EVC: variants seen among roughly 807,000 people sequenced by gnomAD.
EVC encodes the protein EvC ciliary complex subunit 1.
Under a neutral mutation model 118.9 loss-of-function variants are expected in EVC, and 116 were observed. The ratio of observed to expected loss-of-function variants is 0.98; its 90% CI spans 0.84 to 1.14. The LOEUF (loss-of-function observed/expected upper bound fraction) is 1.14. EVC is among the 50% of genes most tolerant of loss of function. The pLI, the probability that EVC is intolerant of heterozygous loss-of-function variation, is 0.00. For missense variants in EVC, 1,401 were observed against 1,246.4 expected (o/e 1.12, Z -1.87); for synonymous variants, 619 against 534.7 (o/e 1.16, Z -2.18).
Position 5,719,507 on chromosome 4 carries a change from T to G in EVC, c.300+134T>G. ...ATGGGCTGCTTTTCTGAGGCATAAT[T>G]TACATACAGTCAAATGCGCAGACTT... On this transcript the variant is annotated intron_variant, in intron 2 of 20. Coordinates refer to ENST00000264956, the MANE Select transcript of EVC (RefSeq NM_153717.3). This position sits in a 1 kb window ranked among gnomAD's most constrained non-coding sequence, Gnocchi z 4.7. 1 of 1,294,496 alleles carries G rather than the reference T, an allele frequency of 7.7e-7. No homozygotes were observed. The highest frequency in any genetic ancestry group is 1.1e-6 in the Non-Finnish European group (1 of 900,560). The allele number at this position is 1,294,496 out of a possible 1,614,324, so 80.2% of individuals were successfully genotyped here. A position where few individuals can be genotyped will look rare whatever the true frequency, so the allele number is the denominator to read the frequency against.
chr4:5,741,074 C>T (rs1484924837), intron 5 of EVC, among the ~76,000 whole-genome samples: 1 of 152,216 alleles, frequency 6.6e-6, no homozygotes. Flanking sequence ...CCAGAAGACC[C>T]AGCAATTGCA....
chr4:5,811,134 GGA>G lies in EVC; in HGVS notation c.*98_*99del. 2 of 959,116 alleles carry G rather than the reference GGA, an allele frequency of 2.1e-6. No homozygotes were observed. The highest frequency in any genetic ancestry group is 3.3e-6 in the Non-Finnish European group (2 of 607,488). The allele number at this position is 959,116 out of a possible 1,614,324, so 59.4% of individuals were successfully genotyped here. A position where few individuals can be genotyped will look rare whatever the true frequency, so the allele number is the denominator to read the frequency against. ...TGCTGAGAGGCAGCGAGGACGGAGA[GGA>G]CAGCGGCATCTCTAGGCTCTTCTGA... On this transcript the variant is annotated 3_prime_UTR_variant, in exon 21 of 21. Transcript: ENST00000264956.
In EVC at chr4:5,745,165, C is replaced by G; in HGVS notation, c.802-39C>G. ...GAATTTAAGACACGCTAAACTTTTT[C>G]TTTGTTTATTTGCTTTCTTTTTTCT... On this transcript the variant is annotated intron_variant, in intron 6 of 20. Transcript: ENST00000264956. The G allele has an allele frequency of 2.5e-6, 4 of 1,599,210 alleles. No homozygotes were observed. In the East Asian group the frequency reaches 6.7e-5, roughly 27 times the overall value.
rs1356598101 is a variant in EVC, at chr4:5,749,499, T to C, written c.1098+1193T>C. Among the ~76,000 whole-genome samples the C allele has an allele frequency of 6.6e-6, 1 of 152,126 alleles. No individual in the cohort carries two copies. Among genetic ancestry groups the C allele is most frequent in the Non-Finnish European group, 1.5e-5 (1 of 68,014 alleles). ...GGCTCTGTTGTTTGGAGCTGTGTGATCTTGAACACATTACTTAACCTCTCT... is the reference window on the plus strand; with the variant it reads ...GGCTCTGTTGTTTGGAGCTGTGTGACCTTGAACACATTACTTAACCTCTCT... On this transcript the variant is annotated intron_variant, in intron 8 of 20. Transcript: ENST00000264956. The surrounding 1 kb of genome is among the most constrained non-coding windows in gnomAD (Gnocchi z 4.4).
At chr4:5,779,200 A>G (rs1735212050) in intron 11 of EVC, among the ~76,000 whole-genome samples, 1 of 141,030 alleles carries the variant, frequency 7.1e-6, no homozygotes, top group Non-Finnish European at 1.6e-5. Flanking sequence ...ATTGATCTAT[A>G]TCTCTGTTTT....
intron 6 of EVC, 121 bp from the exon 7 acceptor site, chr4:5,745,083 A>T: frequency 1.0e-6 from 1 of 983,342 alleles, no homozygotes; most frequent in Non-Finnish European, 1.5e-6. Context: ...CAGAGCATTT[A>T]ACTATTGTTT....
intron 11 of EVC, among the ~76,000 whole-genome samples, chr4:5,782,050 C>T (rs572929367): frequency 1.2e-4 from 18 of 152,212 alleles, no homozygotes; most frequent in Admixed American, 6.5e-4. Flanking sequence ...CCAACTTGAC[C>T]TGTAAAGTTC....
At position 5,719,993 on chromosome 4, in the gene EVC, A is replaced by G. The variant is rs1724667014; in HGVS notation, c.300+620A>G. ...TCATTTCATTTTACTTCCTTTAATT[A>G]AATCTCTGGGGGTGGGGGTGCTGGG... On this transcript the variant is annotated intron_variant, in intron 2 of 20. Transcript: ENST00000264956. This position sits in a 1 kb window ranked among gnomAD's most constrained non-coding sequence, Gnocchi z 4.7. 6.6e-6 allele frequency among the ~76,000 whole-genome samples: 1 copy of G among 152,120 alleles called. No individual in the cohort carries two copies. The highest frequency in any genetic ancestry group is 1.5e-5 in the Non-Finnish European group (1 of 68,030).
chr4:5,814,433 T>G (rs1277069043), downstream of EVC: 1 of 152,124 alleles, frequency 6.6e-6, no homozygotes, highest in Non-Finnish European at 1.5e-5. Context: ...CCACATTCCT[T>G]CTGAGGCCCT....
At chr4:5,820,086 C>T in the EVC span, among the ~76,000 whole-genome samples, 4 of 152,080 alleles carry the variant, frequency 2.6e-5, no homozygotes, top group Admixed American at 1.3e-4. Flanking sequence ...TCCATCACTT[C>T]CTAAGTGTGT....
rs774534542 is a variant in EVC, at chr4:5,811,543, C to G, written c.*506C>G. The G allele has an allele frequency of 2.6e-5, 5 of 191,860 alleles. No homozygotes were observed. Among genetic ancestry groups the G allele is most frequent in the Non-Finnish European group, 5.4e-5 (5 of 92,716 alleles). The allele number at this position is 191,860 out of a possible 1,614,324, so 11.9% of individuals were successfully genotyped here. A position where few individuals can be genotyped will look rare whatever the true frequency, so the allele number is the denominator to read the frequency against. On this transcript the variant is annotated 3_prime_UTR_variant, in exon 21 of 21. Transcript: ENST00000264956. Reference sequence around the variant, plus strand: ...GGGCTTCTTCCGGACAGTAGACACCCTGCCCGTGCAGAGAGATGTCATGGG... The same window carrying G: ...GGGCTTCTTCCGGACAGTAGACACCGTGCCCGTGCAGAGAGATGTCATGGG...
At chr4:5,786,871 CAAAAAAA>C (rs375303542) in intron 12 of EVC, among the ~76,000 whole-genome samples, 1 of 95,202 alleles carries the variant, frequency 1.1e-5, no homozygotes, top group Non-Finnish European at 2.1e-5. Flanking sequence ...GACTCCGTCT[CAAAAAAA>C]AAAAAAAAAA....
Position 5,719,096 on chromosome 4 carries a change from A to G in EVC, c.175-152A>G. The G allele has an allele frequency of 9.5e-7, 1 of 1,057,884 alleles. No individual in the cohort carries two copies. 65.5% of individuals were successfully genotyped at this position (1,057,884 alleles called of 1,614,324 possible). A position where few individuals can be genotyped will look rare whatever the true frequency, so the allele number is the denominator to read the frequency against. ...CCCCACGTGGGGTGGGAGGCGTCAC[A>G]CACAGAAGACCAAGCTTGAGAAGCA... On this transcript the variant is annotated intron_variant, in intron 1 of 20. Transcript: ENST00000264956. This position sits in a 1 kb window ranked among gnomAD's most constrained non-coding sequence, Gnocchi z 4.7.
intron 7 of EVC, 141 bp from the exon 8 acceptor site, chr4:5,748,007 A>T: frequency 2.1e-6 from 2 of 955,096 alleles, no homozygotes; most frequent in Non-Finnish European, 3.3e-6. Flanking sequence ...ATTGTTGCCA[A>T]GATAAACTCA....
At chr4:5,777,179 G>T (rs528869624) in intron 11 of EVC, among the ~76,000 whole-genome samples, 6 of 152,188 alleles carry the variant, frequency 3.9e-5, no homozygotes, top group Admixed American at 3.9e-4. Context: ...GAGGATTTTC[G>T]TTTGCTTTTG....
chr4:5,774,329 T>C (rs1462463550), intron 11 of EVC, among the ~76,000 whole-genome samples: 1 of 151,828 alleles, frequency 6.6e-6, no homozygotes, highest in African/African-American at 2.4e-5. Flanking sequence ...AGAATGACAA[T>C]AGCAGTGGAT....
chr4:5,798,878 C>G lies in EVC; in HGVS notation c.2304+86C>G. On this transcript the variant is annotated intron_variant, in intron 15 of 20. Transcript: ENST00000264956. The surrounding 1 kb of genome is among the most constrained non-coding windows in gnomAD (Gnocchi z 4.1). ...TGCCTGGGTCTGCTCCTTGCCACAC[C>G]GTTCATGGAGCTTGTGGCCTAGTAG... The G allele has an allele frequency of 2.2e-6, 3 of 1,381,956 alleles. No homozygotes were observed. Among genetic ancestry groups the G allele is most frequent in the Non-Finnish European group, 3.0e-6 (3 of 992,716 alleles). The allele number at this position is 1,381,956 out of a possible 1,614,324, so 85.6% of individuals were successfully genotyped here. A position where few individuals can be genotyped will look rare whatever the true frequency, so the allele number is the denominator to read the frequency against.
the EVC span, chr4:5,821,651 C>G: frequency 9.8e-7 from 1 of 1,017,306 alleles, no homozygotes; most frequent in Non-Finnish European, 1.4e-6. The surrounding 1 kb of genome is among the most constrained non-coding windows in gnomAD (Gnocchi z 4.4). Context: ...CGACTTCCCC[C>G]TCCCTCCATC....
chr4:5,722,997 A>C (rs1725213122), intron 2 of EVC, among the ~76,000 whole-genome samples: 1 of 152,138 alleles, frequency 6.6e-6, no homozygotes, highest in South Asian at 2.1e-4. Context: ...ATGCTCCTGC[A>C]TCCTTCATCC....
Sources: allele counts gnomAD v4.1 joint callset (sites outside exome capture counted in the v4.1 genomes callset), GRCh38; gene constraint gnomAD v4.1.1; non-coding constraint Gnocchi (gnomAD v3.1); transcripts MANE v1.5; gene names NCBI Gene and HGNC (gene_info 2026-07-23, HGNC 2026-07-21).